Variants in SMARCA2 observed in about 807,000 individuals in gnomAD.
SMARCA2 encodes the protein SWI/SNF-related matrix-associated actin-dependent regulator of chromatin subfamily A member 2.
Under a neutral mutation model 199.8 loss-of-function variants are expected in SMARCA2, and 61 were observed. The ratio of observed to expected loss-of-function variants is 0.31; its 90% CI spans 0.25 to 0.38. The LOEUF (loss-of-function observed/expected upper bound fraction) is 0.38. Ranked by LOEUF, SMARCA2 falls within the 10% of genes least tolerant of loss-of-function variation. SMARCA2 has a pLI of 1.00. For synonymous variants in SMARCA2, 935 were observed against 732.0 expected (o/e 1.28, Z -4.48); for missense variants, 1,344 against 2,012.2 (o/e 0.67, Z 6.35).
intron 1 of SMARCA2, among the ~76,000 whole-genome samples, chr9:2,023,985 T>C (rs1818715138): frequency 6.6e-6 from 1 of 152,246 alleles, no homozygotes; most frequent in Non-Finnish European, 1.5e-5. Context: ...AGATGTGGAC[T>C]GGGCCTAACT....
In SMARCA2 at chr9:2,123,251, T is replaced by A. The variant is rs944655709; in HGVS notation, c.3763-468T>A. 2.0e-5 allele frequency among the ~76,000 whole-genome samples: 3 copies of A among 152,112 alleles called. No individual in the cohort carries two copies. Among genetic ancestry groups the A allele is most frequent in the African/African-American group, 7.2e-5 (3 of 41,432 alleles). ...ATACCTTGGGTCCCCCTTTTTTTTTTATTGCTGATTGTTTAGTTCAAAGCA... is the reference window on the plus strand; with the variant it reads ...ATACCTTGGGTCCCCCTTTTTTTTTAATTGCTGATTGTTTAGTTCAAAGCA... On this transcript the variant is annotated intron_variant, in intron 26 of 33. Coordinates refer to ENST00000349721, the MANE Select transcript of SMARCA2 (RefSeq NM_003070.5). This position sits in a 1 kb window ranked among gnomAD's most constrained non-coding sequence, Gnocchi z 4.1.
chr9:2,111,780 G>A (rs560548318), intron 24 of SMARCA2, among the ~76,000 whole-genome samples: 261 of 152,188 alleles, frequency 1.7e-3, no homozygotes, highest in Admixed American at 3.5e-3. Flanking sequence ...GTGGAGCTAG[G>A]TGCTTCCTTT....
chr9:2,160,543 T>C, intron 27 of SMARCA2: 1 of 689,732 alleles, frequency 1.4e-6, no homozygotes, highest in South Asian at 1.5e-5. Context: ...GTCTGAGCTG[T>C]AATCACTCTT....
chr9:2,125,514 G>C (rs1195089703), intron 27 of SMARCA2, among the ~76,000 whole-genome samples: 2 of 136,066 alleles, frequency 1.5e-5, no homozygotes, highest in Non-Finnish European at 3.0e-5. Context: ...TTTTGAGACA[G>C]AGTCTCTCTC....
chr9:2,107,920 C>A (rs1310083155), intron 23 of SMARCA2, among the ~76,000 whole-genome samples: 1 of 152,054 alleles, frequency 6.6e-6, no homozygotes, highest in Non-Finnish European at 1.5e-5. Flanking sequence ...GGAAGAACAG[C>A]CCTCAACTCT....
At position 2,110,816 on chromosome 9, in the gene SMARCA2, AC is replaced by A. The variant is rs1215094777; in HGVS notation, c.3456+402del. ...CATTTTTTCATTCAGTTTTACGACA[AC>A]CCTGTCAGACGGTTAATATGATTTG... On this transcript the variant is annotated intron_variant, in intron 24 of 33. Transcript: ENST00000349721. The surrounding 1 kb of genome is among the most constrained non-coding windows in gnomAD (Gnocchi z 4.8). Among the ~76,000 whole-genome samples the A allele has an allele frequency of 1.3e-4, 20 of 152,190 alleles. No individual in the cohort carries two copies. The highest frequency in any genetic ancestry group is 4.8e-4 in the African/African-American group (20 of 41,444).
chr9:2,121,150 C>T (rs377699592), intron 26 of SMARCA2, among the ~76,000 whole-genome samples: 2 of 152,212 alleles, frequency 1.3e-5, no homozygotes, highest in Admixed American at 1.3e-4. Context: ...ATGGAGAATT[C>T]TTTCAGCAGC....
intron 29 of SMARCA2, among the ~76,000 whole-genome samples, chr9:2,176,642 C>T (rs1467285061): frequency 2.6e-5 from 4 of 152,230 alleles, no homozygotes; most frequent in African/African-American, 9.6e-5. Context: ...ACCTCTGCCT[C>T]CTGGGCTCAA....
intron 5 of SMARCA2, among the ~76,000 whole-genome samples, chr9:2,054,197 C>T (rs549959371): frequency 1.3e-5 from 2 of 152,244 alleles, no homozygotes; most frequent in South Asian, 2.1e-4. Context: ...ACTAGAAGTT[C>T]GGAAGAAAAA....
chr9:2,112,284 C>T (rs111353310), intron 24 of SMARCA2, among the ~76,000 whole-genome samples: 426 of 152,154 alleles, frequency 2.8e-3, no homozygotes, highest in South Asian at 0.012. Flanking sequence ...GTTTTGAGGA[C>T]GATCTATAGG....
intron 27 of SMARCA2, among the ~76,000 whole-genome samples, chr9:2,138,240 G>A (rs1824302987): frequency 6.6e-6 from 1 of 151,916 alleles, no homozygotes; most frequent in Non-Finnish European, 1.5e-5. Flanking sequence ...AGTATTAATT[G>A]GATTTTTAGT....
Position 2,134,142 on chromosome 9 carries a change from A to C in SMARCA2, c.3981+10205A>C, listed in dbSNP as rs143493780. 5.3e-5 allele frequency among the ~76,000 whole-genome samples: 8 copies of C among 152,366 alleles called. No individual in the cohort carries two copies. In the East Asian group the frequency reaches 1.5e-3, roughly 29 times the overall value. ...CCTAATGGATAATAGAAAAAGAAGA[A>C]AATACGTTCTCTTTTGTGTCTTGAT... On this transcript the variant is annotated intron_variant, in intron 27 of 33. Coordinates refer to ENST00000349721, the MANE Select transcript of SMARCA2 (RefSeq NM_003070.5).
intron 4 of SMARCA2, chr9:2,040,281 A>G: frequency 2.7e-6 from 1 of 367,840 alleles, no homozygotes; most frequent in Non-Finnish European, 4.9e-6. Flanking sequence ...CACTAGAGCC[A>G]TTTTATAATT....
chr9:2,065,815 T>C (rs186251807), intron 9 of SMARCA2, among the ~76,000 whole-genome samples: 185 of 152,308 alleles, frequency 1.2e-3, no homozygotes, highest in African/African-American at 4.3e-3. Context: ...CATTTGAGTG[T>C]AGGAACTATT....
rs753217386 is a variant in SMARCA2, at chr9:2,115,893, C to T, written c.3528C>T (p.Thr1176=). The change falls in exon 25 of 34, where the codon ACC becomes ACT. Residue 1176 remains threonine (T), a synonymous_variant. Transcript: ENST00000349721. The surrounding 1 kb of genome is among the most constrained non-coding windows in gnomAD (Gnocchi z 6.0). ...AGGTCCGGGTACTGAGGCTCTGTAC[C>T]GTGAACAGCGTGGAGGAAAAGATCC... is the stretch of plus-strand genomic sequence containing the variant. ...QNEVRVLRLC[T]VNSVEEKILA... is the part of the protein sequence containing the mutation. 9.9e-6 allele frequency: 16 copies of T among 1,613,910 alleles called. No homozygotes were observed. Among genetic ancestry groups the T allele is most frequent in the East Asian group, 8.9e-5 (4 of 44,874 alleles).
chr9:2,114,926 G>A (rs1244101940), intron 24 of SMARCA2, among the ~76,000 whole-genome samples: 1 of 151,786 alleles, frequency 6.6e-6, no homozygotes, highest in African/African-American at 2.4e-5. Flanking sequence ...TTTTTAACTT[G>A]TTTTCACTTA....
rs71327397 is a variant in SMARCA2, at chr9:2,102,132, A to AGTGT, written c.3125+546_3125+549dup. On this transcript the variant is annotated intron_variant, in intron 22 of 33. Transcript: ENST00000349721. ...AAAAATGAACACTGCATTAACAGAA[A>AGTGT]GTGTGTGTGTGTGTGTGTGTGTGTG... Among the ~76,000 whole-genome samples the AGTGT allele has an allele frequency of 5.0e-3, 738 of 148,104 alleles. 3 individuals carry two copies. The highest frequency in any genetic ancestry group is 8.1e-3 in the African/African-American group (327 of 40,554).
intron 19 of SMARCA2, among the ~76,000 whole-genome samples, chr9:2,093,164 G>A (rs1230277475): frequency 1.1e-4 from 17 of 152,170 alleles, no homozygotes; most frequent in Admixed American, 1.1e-3. Flanking sequence ...ATAATAGTGT[G>A]GCAATGCAAG....
intron 27 of SMARCA2, among the ~76,000 whole-genome samples, chr9:2,135,352 T>G (rs750635561): frequency 1.3e-5 from 2 of 152,156 alleles, no homozygotes; most frequent in Non-Finnish European, 2.9e-5. Flanking sequence ...AATGCAAATC[T>G]CTTCCAGAAA....
Sources: gnomAD v4.1 joint callset for allele counts (sites outside exome capture counted in the v4.1 genomes callset) on GRCh38, gnomAD v4.1.1 for gene constraint, Gnocchi (gnomAD v3.1) non-coding constraint, MANE v1.5 for transcripts, NCBI Gene and HGNC (gene_info 2026-07-23, HGNC 2026-07-21) for gene names.